MOCOS: variants seen among roughly 807,000 people sequenced by gnomAD.
The protein encoded by MOCOS is molybdenum cofactor sulfurase.
Under a neutral mutation model 83.6 loss-of-function variants are expected in MOCOS, and 86 were observed. The observed-to-expected ratio is 1.03, with a 90% CI of 0.86 to 1.23. The LOEUF is 1.23. Among genes scored for constraint, MOCOS ranks in the 50% most tolerant of loss-of-function variants. The pLI, the probability that MOCOS is intolerant of heterozygous loss-of-function variation, is 0.00. For missense variants in MOCOS, 1,120 were observed against 1,126.9 expected (o/e 0.99, Z 0.09); for synonymous variants, 445 against 434.7 (o/e 1.02, Z -0.29).
chr18:36,243,144 C>T (rs988931860), intron 9 of MOCOS, among the ~76,000 whole-genome samples: 1 of 152,148 alleles, frequency 6.6e-6, no homozygotes, highest in African/African-American at 2.4e-5. Flanking sequence ...ACTTTACTAA[C>T]TTCATTTATC....
At chr18:36,210,251 C>T (rs996523610) in intron 6 of MOCOS, among the ~76,000 whole-genome samples, 2 of 152,136 alleles carry the variant, frequency 1.3e-5, no homozygotes, top group Non-Finnish European at 2.9e-5. Flanking sequence ...TTCTGAGTAG[C>T]CATAAACTTT....
chr18:36,258,975 A>G (rs2091652412), intron 12 of MOCOS, among the ~76,000 whole-genome samples: 1 of 149,980 alleles, frequency 6.7e-6, no homozygotes, highest in East Asian at 2.0e-4. Flanking sequence ...CTTTCACCAT[A>G]GCTAGTTTCA....
rs1399916510 is a variant in MOCOS at position 36,187,498 on chromosome 18, C to T, written c.-42C>T. On this transcript the variant is annotated 5_prime_UTR_variant, in exon 1 of 15. Transcript: ENST00000261326. The stretch of plus-strand genomic sequence containing the variant: ...GGAGTCGCCGGGGGCCGGCTTCGCG[C>T]ACTTCCCGGGCCCGGCCGGCCTGGA... 4.1e-6 allele frequency: 5 copies of T among 1,226,528 alleles called. No individual in the cohort carries two copies. The African/African-American group carries it at 7.8e-5, about 19-fold the overall frequency. The allele number at this position is 1,226,528 out of a possible 1,614,324, so 76.0% of individuals were successfully genotyped here.
At chr18:36,266,706 G>T in intron 13 of MOCOS, 43 bp from the exon 14 acceptor site, 1 of 1,547,890 alleles carries the variant, frequency 6.5e-7, no homozygotes, top group Non-Finnish European at 8.9e-7. Flanking sequence ...CAAGGCTCTG[G>T]TCACTTTTGT....
In MOCOS at chr18:36,268,700, A is replaced by ACAT. The variant is rs1555657023; in HGVS notation, c.*15_*16insCAT. On this transcript the variant is annotated 3_prime_UTR_variant, in exon 15 of 15. Transcript: ENST00000261326. The stretch of plus-strand genomic sequence containing the variant: ...TTACCTCCTAAAAAAAATTTTTAGC[A>ACAT]TAAAGTTTCTCTTTTACAGTGATCT... 22 of 1,604,888 alleles carry ACAT rather than the reference A, an allele frequency of 1.4e-5. No homozygotes were observed. The South Asian group carries it at 1.9e-4, about 14-fold the overall frequency.
intron 6 of MOCOS, among the ~76,000 whole-genome samples, chr18:36,206,912 C>T (rs183014534): frequency 6.6e-6 from 1 of 152,216 alleles, no homozygotes; most frequent in Non-Finnish European, 1.5e-5. Flanking sequence ...ATTCCATGTC[C>T]TTGCTGTTGA....
chr18:36,233,986 G>A (rs1250630792), intron 9 of MOCOS, among the ~76,000 whole-genome samples: 3 of 152,252 alleles, frequency 2.0e-5, no homozygotes, highest in Admixed American at 1.3e-4. Context: ...TTTGTGGATT[G>A]TCTCTTTACT....
chr18:36,219,226 C>T (rs970509246), intron 8 of MOCOS, among the ~76,000 whole-genome samples: 19 of 151,794 alleles, frequency 1.3e-4, no homozygotes, highest in African/African-American at 3.6e-4. Context: ...TCACTCTTGT[C>T]GCCCAGGCTG....
chr18:36,187,726 C>A (rs2091347067), intron 1 of MOCOS, 45 bp downstream of exon 1: 19 of 1,252,248 alleles, frequency 1.5e-5, no homozygotes, highest in Non-Finnish European at 1.8e-5. Context: ...TTTCTGGAAC[C>A]GACGTGGACG....
intron 9 of MOCOS, among the ~76,000 whole-genome samples, chr18:36,246,001 A>G (rs1800444877): frequency 6.6e-6 from 1 of 151,934 alleles, no homozygotes; most frequent in Non-Finnish European, 1.5e-5. Context: ...TATGATATCT[A>G]TTTCTCTGGA....
At chr18:36,261,824 T>TA (rs978097446) in intron 13 of MOCOS, among the ~76,000 whole-genome samples, 3 of 152,000 alleles carry the variant, frequency 2.0e-5, no homozygotes, top group Non-Finnish European at 4.4e-5. Context: ...CCATGTTTTT[T>TA]AAAAAAATGC....
chr18:36,212,556 C>A (rs919706307), intron 6 of MOCOS, among the ~76,000 whole-genome samples: 1 of 152,182 alleles, frequency 6.6e-6, no homozygotes, highest in Non-Finnish European at 1.5e-5. Flanking sequence ...GGTGAAGGAA[C>A]AGAATTGTTC....
At chr18:36,240,875 G>C (rs769581492) in intron 9 of MOCOS, among the ~76,000 whole-genome samples, 2 of 152,138 alleles carry the variant, frequency 1.3e-5, no homozygotes, top group Non-Finnish European at 2.9e-5. Context: ...CGCAGTATTC[G>C]GGTGGGAATG....
chr18:36,210,501 G>T (rs900365013), intron 6 of MOCOS, among the ~76,000 whole-genome samples: 2 of 152,070 alleles, frequency 1.3e-5, no homozygotes, highest in South Asian at 2.1e-4. Context: ...CAAAAGGTTT[G>T]CCTTCTTAAA....
intron 13 of MOCOS, among the ~76,000 whole-genome samples, chr18:36,262,126 T>C (rs943236837): frequency 2.0e-5 from 3 of 152,140 alleles, no homozygotes; most frequent in African/African-American, 4.8e-5. Flanking sequence ...AAAATATGCA[T>C]GCCCTTTGAC....
In MOCOS at chr18:36,251,232, A is replaced by T. The variant is rs1226866120; in HGVS notation, c.2113A>T (p.Ile705Phe). 1 of 1,614,054 alleles carries T rather than the reference A, an allele frequency of 6.2e-7. No homozygotes were observed. Among genetic ancestry groups the T allele is most frequent in the South Asian group, 1.1e-5 (1 of 91,078 alleles). ...ATTTTTTGGCCGTCCTTGTCATTTG[A>T]TCAAACAAAGTTCAAACTCTCAAAG... ...STFFGRPCHL[I>F]KQSSNSQRNA... The change falls in exon 11 of 15, where the codon ATC becomes TTC. Residue 705 changes from isoleucine (I) to phenylalanine (F), a missense_variant. Ile to Phe is a conservative substitution (Grantham distance 21, BLOSUM62 0). Coordinates refer to ENST00000261326, the MANE Select transcript of MOCOS (RefSeq NM_017947.4).
At chr18:36,261,013 G>C (rs1208105322) in intron 13 of MOCOS, among the ~76,000 whole-genome samples, 2 of 152,022 alleles carry the variant, frequency 1.3e-5, no homozygotes, top group Non-Finnish European at 2.9e-5. Flanking sequence ...GTGTGTGGGA[G>C]GGTGAGACCA....
chr18:36,267,569 G>A (rs559369160), intron 14 of MOCOS, among the ~76,000 whole-genome samples: 1 of 152,294 alleles, frequency 6.6e-6, no homozygotes, highest in South Asian at 2.1e-4. Context: ...TTGTTTCACA[G>A]TATAGACATT....
intron 9 of MOCOS, among the ~76,000 whole-genome samples, chr18:36,242,762 T>G (rs1006156958): frequency 2.0e-5 from 3 of 152,132 alleles, no homozygotes; most frequent in Admixed American, 6.5e-5. Flanking sequence ...CAAACACTTA[T>G]AAAACCATCA....
Sources: allele counts gnomAD v4.1 joint callset (sites outside exome capture counted in the v4.1 genomes callset), GRCh38; gene constraint gnomAD v4.1.1; transcripts MANE v1.5; gene names NCBI Gene and HGNC (gene_info 2026-07-23, HGNC 2026-07-21).